Variants in RIMS2 observed in about 807,000 individuals in gnomAD.
RIMS2 encodes the protein regulating synaptic membrane exocytosis 2.
RIMS2 carries 59 observed loss-of-function variants against 174.4 expected under a neutral mutation model. That is an observed-to-expected ratio of 0.34 (90% CI 0.27 to 0.42). The LOEUF is 0.42. Ranked by LOEUF, RIMS2 falls within the 10% of genes least tolerant of loss-of-function variation. The pLI is 1.00. For synonymous variants in RIMS2, 606 were observed against 572.5 expected, an observed-to-expected ratio of 1.06 and a Z score of -0.84; for missense variants, 1,620 against 1,666.3, an observed-to-expected ratio of 0.97 and a Z score of 0.48.
chr8:104,206,919 C>T (rs2099082826), intron 19 of RIMS2, among the ~76,000 whole-genome samples: 1 of 152,204 alleles, frequency 6.6e-6, no homozygotes, highest in African/African-American at 2.4e-5. Flanking sequence ...AAGTTTAAAA[C>T]TGCAAGCTAT....
In RIMS2 at chr8:103,847,697, T is replaced by C. The variant is rs143825762; in HGVS notation, c.699-37601T>C. On this transcript the variant is annotated intron_variant, in intron 3 of 23. Transcript: ENST00000504942. ...TGGAAGGTATCTAGTGCAGCCAACT[T>C]ATCACCAGATGTCCAGTTGTCTCCT... Among the ~76,000 whole-genome samples, 86 of 152,154 alleles carry C rather than the reference T, an allele frequency of 5.7e-4. No individual in the cohort carries two copies. The East Asian group carries it at 0.015, about 26-fold the overall frequency.
At chr8:103,752,698 G>A (rs2139795383) in intron 2 of RIMS2, among the ~76,000 whole-genome samples, 1 of 152,246 alleles carries the variant, frequency 6.6e-6, no homozygotes, top group Admixed American at 6.5e-5. Flanking sequence ...TGAAGCAACT[G>A]TGAATGGGAG....
chr8:103,841,010 G>T (rs1340884628), intron 3 of RIMS2, among the ~76,000 whole-genome samples: 1 of 152,160 alleles, frequency 6.6e-6, no homozygotes, highest in Non-Finnish European at 1.5e-5. Flanking sequence ...AGGAATGCTA[G>T]GTGTAGTTTA....
chr8:103,967,448 C>A (rs569691867), intron 15 of RIMS2, among the ~76,000 whole-genome samples: 79 of 152,002 alleles, frequency 5.2e-4, no homozygotes, highest in African/African-American at 1.9e-3. Context: ...CCAGCCTCGG[C>A]CTCCCACAGT....
chr8:104,115,179 A>G lies in RIMS2; in HGVS notation c.3334+100564A>G, dbSNP rs532953674. 1.1e-3 allele frequency among the ~76,000 whole-genome samples: 174 copies of G among 152,276 alleles called. 1 individual carries two copies. The highest frequency in any genetic ancestry group is 1.9e-3 in the Non-Finnish European group (127 of 67,988). On this transcript the variant is annotated intron_variant, in intron 19 of 23. Transcript: ENST00000504942. ...TTTCAGCAAAATAAATTGCATAGGAATAACAGCTGCCTTTCGCTTTTTTAA... is the reference window on the plus strand; with the variant it reads ...TTTCAGCAAAATAAATTGCATAGGAGTAACAGCTGCCTTTCGCTTTTTTAA...
intron 19 of RIMS2, 31 bp from the exon 23 acceptor site, chr8:104,068,481 T>C (rs1239671216): frequency 4.0e-6 from 4 of 1,007,218 alleles, no homozygotes; most frequent in Non-Finnish European, 6.0e-6. Flanking sequence ...GAACTGAACA[T>C]TAATTTTATG....
At chr8:103,587,411 AG>A (rs1157310871) in intron 1 of RIMS2, among the ~76,000 whole-genome samples, 2 of 36,988 alleles carry the variant, frequency 5.4e-5, no homozygotes, top group South Asian at 7.4e-4. Flanking sequence ...AGAAAAAAGA[AG>A]AAAGAAAGAA....
intron 3 of RIMS2, among the ~76,000 whole-genome samples, chr8:103,869,193 C>CT (rs758281100): frequency 0.03 from 3,984 of 131,188 alleles, 138 homozygotes; most frequent in African/African-American, 0.091. Flanking sequence ...ACCAGGAACA[C>CT]TTTTTTTTTT....
intron 1 of RIMS2, among the ~76,000 whole-genome samples, chr8:103,665,480 G>A (rs2096657283): frequency 6.6e-6 from 1 of 152,168 alleles, no homozygotes; most frequent in South Asian, 2.1e-4. Flanking sequence ...TTTTTACCCA[G>A]TAGTTCAGAA....
chr8:103,512,286 C>A (rs1826865166), intron 1 of RIMS2, among the ~76,000 whole-genome samples: 1 of 152,180 alleles, frequency 6.6e-6, no homozygotes, highest in South Asian at 2.1e-4. Flanking sequence ...TGGTGACAGT[C>A]CAGATTCACT....
At chr8:104,177,192 G>T (rs957406596) in intron 19 of RIMS2, among the ~76,000 whole-genome samples, 80 of 152,194 alleles carry the variant, frequency 5.3e-4, no homozygotes, top group Middle Eastern at 3.4e-3. Flanking sequence ...AACATTTTGT[G>T]GATGTGAAAC....
In RIMS2 at chr8:103,697,044, C is replaced by A. The variant is rs969322964; in HGVS notation, c.177-42C>A. Reference sequence around the variant, plus strand: ...TTGTGATAATTTTTCCTTTAGAGATCATCAGGAAACCAACTTTTTTTCTTA... The same window carrying A: ...TTGTGATAATTTTTCCTTTAGAGATAATCAGGAAACCAACTTTTTTTCTTA... On this transcript the variant is annotated intron_variant, in intron 1 of 23. Transcript: ENST00000504942. 3.8e-6 allele frequency: 5 copies of A among 1,310,126 alleles called. No homozygotes were observed. In the African/African-American group the frequency reaches 4.4e-5, roughly 11 times the overall value. The allele number at this position is 1,310,126 out of a possible 1,614,324, so 81.2% of individuals were successfully genotyped here.
intron 19 of RIMS2, among the ~76,000 whole-genome samples, chr8:104,085,144 C>G (rs1388844427): frequency 1.3e-5 from 2 of 152,154 alleles, no homozygotes; most frequent in African/African-American, 4.8e-5. Flanking sequence ...ACAAAATTAT[C>G]TGAATAAACA....
intron 1 of RIMS2, among the ~76,000 whole-genome samples, chr8:103,553,961 C>CT (rs35631171): frequency 0.69 from 105,506 of 152,068 alleles, 37,513 homozygotes; most frequent in African/African-American, 0.84. Flanking sequence ...AAAGGACCCC[C>CT]GTTCAATAAA....
chr8:104,247,642 A>G (rs1412024231), intron 20 of RIMS2, among the ~76,000 whole-genome samples: 1 of 152,244 alleles, frequency 6.6e-6, no homozygotes, highest in East Asian at 1.9e-4. Flanking sequence ...ATTACCATTT[A>G]TCAAGATGGA....
chr8:103,514,773 C>T (rs967734829), intron 1 of RIMS2, among the ~76,000 whole-genome samples: 2 of 151,972 alleles, frequency 1.3e-5, no homozygotes, highest in African/African-American at 2.4e-5. Flanking sequence ...TGGCATGTGC[C>T]TGTAATCCCA....
intron 19 of RIMS2, among the ~76,000 whole-genome samples, chr8:104,054,413 A>G (rs562289239): frequency 6.6e-5 from 10 of 152,288 alleles, no homozygotes; most frequent in South Asian, 2.1e-4. Context: ...TAAAATCCAT[A>G]TATCTAAATA....
In RIMS2 at chr8:104,046,773, T is replaced by A. The variant is rs114865588; in HGVS notation, c.3334+32158T>A. Among the ~76,000 whole-genome samples the A allele has an allele frequency of 7.7e-3, 1,165 of 152,152 alleles. 24 individuals are homozygous for A. The highest frequency in any genetic ancestry group is 0.026 in the African/African-American group (1,097 of 41,536). On this transcript the variant is annotated intron_variant, in intron 19 of 23. Coordinates refer to ENST00000504942, the Ensembl canonical transcript of RIMS2. ...TGATGGCTCAGTCATGAAAACCTTA[T>A]ATAACCCTAGTACCCTGAAATCTTG...
chr8:103,631,673 A>C (rs554499529), intron 1 of RIMS2, among the ~76,000 whole-genome samples: 1 of 152,168 alleles, frequency 6.6e-6, no homozygotes, highest in African/African-American at 2.4e-5. Flanking sequence ...GAAGAATGTC[A>C]TTAGTAGTTT....
Sources: allele counts gnomAD v4.1 joint callset (sites outside exome capture counted in the v4.1 genomes callset), GRCh38; gene constraint gnomAD v4.1.1; transcripts MANE v1.5; gene names NCBI Gene and HGNC (gene_info 2026-07-23, HGNC 2026-07-21).